The following FBN2 variants were observed in gnomAD, a reference collection of about 807,000 sequenced individuals.
FBN2 encodes fibrillin-2.
Under a neutral mutation model 355.6 loss-of-function variants are expected in FBN2, and 105 were observed. That is an observed-to-expected ratio of 0.30 (90% CI 0.25 to 0.35). The LOEUF (loss-of-function observed/expected upper bound fraction) is 0.35. Among genes scored for constraint, FBN2 ranks in the 10% least tolerant of loss-of-function variants. The pLI is 1.00. For synonymous variants in FBN2, 1,350 were observed against 1,301.2 expected, an observed-to-expected ratio of 1.04 and a Z score of -0.81; for missense variants, 3,280 against 3,758.7, an observed-to-expected ratio of 0.87 and a Z score of 3.33.
chr5:128,400,957 C>T (rs1752785318), intron 8 of FBN2, among the ~76,000 whole-genome samples: 1 of 152,124 alleles, frequency 6.6e-6, no homozygotes, highest in Admixed American at 6.5e-5. Context: ...GACTAAGTCT[C>T]ACAAGATCTG....
At chr5:128,477,787 G>C (rs898894901) in intron 5 of FBN2, among the ~76,000 whole-genome samples, 1 of 152,144 alleles carries the variant, frequency 6.6e-6, no homozygotes, top group Non-Finnish European at 1.5e-5. Flanking sequence ...ATCTCTCAGT[G>C]GCACTGATCA....
At position 128,499,096 on chromosome 5, in the gene FBN2, G is replaced by A. The variant is rs373039284; in HGVS notation, c.628+20177C>T. 2.6e-5 allele frequency among the ~76,000 whole-genome samples: 4 copies of A among 152,170 alleles called. No homozygotes were observed. In the South Asian group the frequency reaches 8.3e-4, roughly 31 times the overall value. ...GTACTTCTTACATTGGGATTTAAAA[G>A]TATGAGAGATGGAGAAAACCTTAAC... On this transcript the variant is annotated intron_variant, in intron 5 of 64. Coordinates refer to ENST00000262464, the MANE Select transcript of FBN2 (RefSeq NM_001999.4).
At chr5:128,420,635 G>A (rs1056416829) in intron 7 of FBN2, among the ~76,000 whole-genome samples, 4 of 152,014 alleles carry the variant, frequency 2.6e-5, no homozygotes, top group Non-Finnish European at 5.9e-5. Flanking sequence ...ACAACTAAAT[G>A]GCCATAAATG....
chr5:128,276,864 A>G (rs1765406040), intron 58 of FBN2, among the ~76,000 whole-genome samples: 1 of 152,132 alleles, frequency 6.6e-6, no homozygotes, highest in Non-Finnish European at 1.5e-5. Flanking sequence ...ACACAGCACT[A>G]CGCCTCCTGG....
At chr5:128,535,144 T>G (rs1000660147) in intron 2 of FBN2, among the ~76,000 whole-genome samples, 33 of 152,212 alleles carry the variant, frequency 2.2e-4, no homozygotes, top group African/African-American at 7.0e-4. Flanking sequence ...AATCAGAGGA[T>G]TTGTTCAAAA....
At chr5:128,349,899 A>C in intron 22 of FBN2, 56 bp downstream of exon 22, 1 of 1,346,624 alleles carries the variant, frequency 7.4e-7, no homozygotes, top group Non-Finnish European at 1.1e-6. Flanking sequence ...AGTGAATGTT[A>C]ATTTTACTTA....
At chr5:128,536,573 T>A in intron 1 of FBN2, 89 bp from the exon 2 acceptor site, 1 of 865,972 alleles carries the variant, frequency 1.2e-6, no homozygotes, top group Non-Finnish European at 1.9e-6. Context: ...CCCGAGCGAG[T>A]AGATTTCAGG....
In FBN2 at chr5:128,359,511, T is replaced by A. The variant is rs572053599; in HGVS notation, c.2555-2116A>T. 7.9e-5 allele frequency among the ~76,000 whole-genome samples: 12 copies of A among 152,230 alleles called. No homozygotes were observed. In the East Asian group the frequency reaches 1.3e-3, roughly 17 times the overall value. On this transcript the variant is annotated intron_variant, in intron 19 of 64. Coordinates refer to ENST00000262464, the MANE Select transcript of FBN2 (RefSeq NM_001999.4). ...GAAGAAAGTGTAGAAATAACAGTTA[T>A]TTGGTTAGGTTTCCCATGATAAATC...
At chr5:128,454,987 T>A (rs560665169) in intron 6 of FBN2, among the ~76,000 whole-genome samples, 2 of 152,280 alleles carry the variant, frequency 1.3e-5, no homozygotes, top group East Asian at 3.9e-4. Context: ...AAATATCACA[T>A]GGTACAAAAA....
intron 55 of FBN2, among the ~76,000 whole-genome samples, chr5:128,280,970 T>G (rs1011651748): frequency 2.6e-5 from 4 of 152,210 alleles, no homozygotes; most frequent in Non-Finnish European, 5.9e-5. Context: ...CAAAGCTGTG[T>G]TGTTAGGAGC....
At chr5:128,383,441 G>C (rs561849244) in intron 11 of FBN2, among the ~76,000 whole-genome samples, 1 of 152,114 alleles carries the variant, frequency 6.6e-6, no homozygotes, top group African/African-American at 2.4e-5. Context: ...TCAAAAGCGT[G>C]ATCCATAAAA....
At chr5:128,413,817 C>T (rs890203832) in intron 7 of FBN2, among the ~76,000 whole-genome samples, 4 of 152,054 alleles carry the variant, frequency 2.6e-5, no homozygotes, top group African/African-American at 9.7e-5. Context: ...CATTTTGTTT[C>T]CACTGATGCC....
At chr5:128,305,110 T>C (rs1440118064) in intron 44 of FBN2, 28 bp from the exon 45 acceptor site, 5 of 1,526,696 alleles carry the variant, frequency 3.3e-6, no homozygotes, top group East Asian at 4.7e-5. Flanking sequence ...AAATGTTACA[T>C]GTATCTGATT....
intron 31 of FBN2, among the ~76,000 whole-genome samples, 193 bp from the exon 32 acceptor site, chr5:128,333,227 C>G (rs1369963494): frequency 6.6e-6 from 1 of 152,120 alleles, no homozygotes. Flanking sequence ...CCTAATAAAA[C>G]AAGTTCTTCC....
chr5:128,436,757 C>A (rs1753778475), intron 7 of FBN2, among the ~76,000 whole-genome samples: 1 of 151,952 alleles, frequency 6.6e-6, no homozygotes, highest in Non-Finnish European at 1.5e-5. Flanking sequence ...ATGTGTCCAG[C>A]GCCTCATGGA....
At chr5:128,307,662 C>T (rs545465756) in intron 41 of FBN2, among the ~76,000 whole-genome samples, 4 of 147,288 alleles carry the variant, frequency 2.7e-5, no homozygotes, top group East Asian at 2.0e-4. Context: ...GAATGAGATG[C>T]GAATTTTGTC....
chr5:128,346,337 C>T (rs776008346), intron 23 of FBN2, among the ~76,000 whole-genome samples: 13 of 152,146 alleles, frequency 8.5e-5, no homozygotes, highest in Non-Finnish European at 1.6e-4. Flanking sequence ...CATACTAAAG[C>T]ACTTGGCTGT....
intron 25 of FBN2, among the ~76,000 whole-genome samples, chr5:128,341,132 T>A (rs1415573354): frequency 2.0e-5 from 3 of 152,234 alleles, no homozygotes; most frequent in Admixed American, 2.0e-4. Flanking sequence ...AGCCAACAAT[T>A]TTCCACAGAA....
chr5:128,464,327 C>T (rs531081262), intron 6 of FBN2, among the ~76,000 whole-genome samples: 1 of 152,166 alleles, frequency 6.6e-6, no homozygotes, highest in South Asian at 2.1e-4. Flanking sequence ...CTTTCTTCTC[C>T]TTGTTACTTG....
Sources: gnomAD v4.1 joint callset for allele counts (sites outside exome capture counted in the v4.1 genomes callset) on GRCh38, gnomAD v4.1.1 for gene constraint, MANE v1.5 for transcripts, NCBI Gene and HGNC (gene_info 2026-07-23, HGNC 2026-07-21) for gene names.